PRR16: variants seen among roughly 807,000 people sequenced by gnomAD.
PRR16 encodes the protein protein Largen.
PRR16 carries 6 observed loss-of-function variants against 18.2 expected under a neutral mutation model. The observed-to-expected ratio is 0.33, with a 90% CI of 0.18 to 0.65. The LOEUF is 0.65. PRR16 is among the 30% of genes least tolerant of loss of function. PRR16 has a pLI of 0.74. For synonymous variants in PRR16, 151 were observed against 147.8 expected (o/e 1.02, Z -0.16); for missense variants, 412 against 376.6 (o/e 1.09, Z -0.78).
At chr5:120,560,396 CT>C (rs1048978825) in intron 1 of PRR16, among the ~76,000 whole-genome samples, 1 of 150,764 alleles carries the variant, frequency 6.6e-6, no homozygotes, top group African/African-American at 2.4e-5. Flanking sequence ...TTGAAATGAT[CT>C]TTTTTTTTGT....
the PRR16 span, among the ~76,000 whole-genome samples, chr5:120,697,448 G>C: frequency 6.6e-6 from 1 of 152,312 alleles, no homozygotes; most frequent in East Asian, 1.9e-4. Flanking sequence ...TCCTAAACCT[G>C]TCCACTTACT....
chr5:120,789,803 C>G, the PRR16 span, among the ~76,000 whole-genome samples: 2 of 151,940 alleles, frequency 1.3e-5, no homozygotes, highest in African/African-American at 4.8e-5. Context: ...TATGTTTAGA[C>G]ATTTAAAATA....
At chr5:120,527,363 A>T (rs145128437) in intron 1 of PRR16, among the ~76,000 whole-genome samples, 61 of 152,270 alleles carry the variant, frequency 4.0e-4, no homozygotes, top group African/African-American at 1.4e-3. Context: ...TTGATTGCTA[A>T]TGTTCATCTG....
At chr5:120,559,308 G>T (rs1752506414) in intron 1 of PRR16, among the ~76,000 whole-genome samples, 1 of 151,812 alleles carries the variant, frequency 6.6e-6, no homozygotes, top group Non-Finnish European at 1.5e-5. Flanking sequence ...AATCCATTTT[G>T]ATTGGATTTT....
chr5:120,730,329 T>C, the PRR16 span, among the ~76,000 whole-genome samples: 1 of 152,142 alleles, frequency 6.6e-6, no homozygotes, highest in South Asian at 2.1e-4. Flanking sequence ...ACATGGATTT[T>C]AGTGTGAAGA....
chr5:120,488,872 A>G (rs1212728538), intron 1 of PRR16, among the ~76,000 whole-genome samples: 2 of 152,142 alleles, frequency 1.3e-5, no homozygotes, highest in Non-Finnish European at 2.9e-5. Context: ...GTTGGTTTCA[A>G]AGAACATCTT....
chr5:120,615,391 T>C (rs1358361144), intron 1 of PRR16, among the ~76,000 whole-genome samples: 1 of 150,338 alleles, frequency 6.7e-6, no homozygotes, highest in Non-Finnish European at 1.5e-5. Flanking sequence ...TTTCTTTTTT[T>C]TTTTTTTTTT....
intron 1 of PRR16, among the ~76,000 whole-genome samples, chr5:120,680,768 G>A (rs955959616): frequency 6.6e-5 from 10 of 152,104 alleles, no homozygotes; most frequent in African/African-American, 2.4e-4. Flanking sequence ...GTTTTCTCAA[G>A]TTTGCATGAC....
chr5:120,719,966 C>G, the PRR16 span, among the ~76,000 whole-genome samples: 1 of 151,974 alleles, frequency 6.6e-6, no homozygotes, highest in Non-Finnish European at 1.5e-5. Flanking sequence ...AGTCATGGCA[C>G]ATACTGCCCC....
chr5:120,646,843 G>A (rs1287306233), intron 1 of PRR16, among the ~76,000 whole-genome samples: 1 of 151,834 alleles, frequency 6.6e-6, no homozygotes, highest in Non-Finnish European at 1.5e-5. Context: ...GAATAAATTA[G>A]CAATGGAATA....
chr5:120,558,532 C>G (rs1029506193), intron 1 of PRR16, among the ~76,000 whole-genome samples: 8 of 151,908 alleles, frequency 5.3e-5, no homozygotes, highest in African/African-American at 1.9e-4. Context: ...ACCACCTTTT[C>G]TTTATCCATT....
intron 1 of PRR16, among the ~76,000 whole-genome samples, chr5:120,498,701 C>T (rs999203459): frequency 1.3e-5 from 2 of 151,602 alleles, no homozygotes; most frequent in Admixed American, 1.3e-4. Flanking sequence ...GAAAGGTCGT[C>T]TAGTGACCAG....
intron 1 of PRR16, among the ~76,000 whole-genome samples, chr5:120,520,133 G>A (rs1751124721): frequency 6.6e-6 from 1 of 152,046 alleles, no homozygotes; most frequent in Non-Finnish European, 1.5e-5. Flanking sequence ...TTAGAATTTT[G>A]CACACAAATC....
chr5:120,634,376 G>A lies in PRR16; in HGVS notation c.160-51578G>A, dbSNP rs1121237. ...GTCTGAAAGAGGGCCGGGCATGGTG[G>A]TTCATGCTGGTAATCCCAGCACTTT... On this transcript the variant is annotated intron_variant, in intron 1 of 1. Transcript: ENST00000407149. Among the ~76,000 whole-genome samples, 1,182 of 152,290 alleles carry A rather than the reference G, an allele frequency of 7.8e-3. 49 individuals carry two copies. The East Asian group carries it at 0.097, about 13-fold the overall frequency.
At chr5:120,782,501 C>T in the PRR16 span, among the ~76,000 whole-genome samples, 15 of 152,272 alleles carry the variant, frequency 9.9e-5, no homozygotes, top group East Asian at 9.7e-4. Context: ...GTTGGTTCCA[C>T]ATTTCCCTGG....
the PRR16 span, among the ~76,000 whole-genome samples, chr5:120,694,976 G>T: frequency 1.1e-4 from 17 of 152,124 alleles, no homozygotes; most frequent in Non-Finnish European, 1.2e-4. Context: ...ATAAAAGTTT[G>T]TGATATATTT....
At chr5:120,491,396 T>A (rs1049203160) in intron 1 of PRR16, among the ~76,000 whole-genome samples, 1 of 150,972 alleles carries the variant, frequency 6.6e-6, no homozygotes, top group African/African-American at 2.5e-5. Context: ...TTAACTTAGG[T>A]ACAAGATCTA....
the PRR16 span, among the ~76,000 whole-genome samples, chr5:120,787,791 C>T: frequency 1.3e-5 from 2 of 152,056 alleles, no homozygotes; most frequent in African/African-American, 4.8e-5. Context: ...CTCCGTTGTA[C>T]TTTCCACACT....
At chr5:120,485,209 T>A (rs538137652) in intron 1 of PRR16, among the ~76,000 whole-genome samples, 1 of 152,252 alleles carries the variant, frequency 6.6e-6, no homozygotes, top group Non-Finnish European at 1.5e-5. Flanking sequence ...CTTAGTCCAT[T>A]TAGAAGAGTG....
Sources: gnomAD v4.1 joint callset for allele counts (sites outside exome capture counted in the v4.1 genomes callset) on GRCh38, gnomAD v4.1.1 for gene constraint, MANE v1.5 for transcripts, NCBI Gene and HGNC (gene_info 2026-07-23, HGNC 2026-07-21) for gene names.